Variants in HAO2 observed in about 807,000 individuals in gnomAD.
The protein encoded by HAO2 is 2-Hydroxyacid oxidase 2.
HAO2 carries 42 observed loss-of-function variants against 37.4 expected under a neutral mutation model. That is an observed-to-expected ratio of 1.12 (90% CI 0.88 to 1.45). HAO2 has a LOEUF of 1.45. Ranked by LOEUF, HAO2 falls within the 40% of genes most tolerant of loss-of-function variation. HAO2 has a pLI of 0.00. For synonymous variants in HAO2, 180 were observed against 162.8 expected (o/e 1.11, Z -0.81); for missense variants, 476 against 430.2 (o/e 1.11, Z -0.94).
At position 119,383,035 on chromosome 1, in the gene HAO2, C is replaced by G; in HGVS notation, c.252C>G (p.Val84=). Residue 84 remains valine, a synonymous_variant, in exon 3 of 8, where the codon GTC becomes GTG. Coordinates refer to ENST00000325945, the MANE Select transcript of HAO2 (RefSeq NM_016527.4). ...CIAPTGFHCL[V]WPDGEMSTAR... ...CACCCACAGGGTTCCACTGCCTTGT[C>G]TGGCCTGATGGGGAAATGAGCACAG... 2 of 1,613,104 alleles carry G rather than the reference C, an allele frequency of 1.2e-6. No homozygotes were observed. Among genetic ancestry groups the G allele is most frequent in the Non-Finnish European group, 1.7e-6 (2 of 1,179,486 alleles).
chr1:119,374,855 T>A (rs1251305099), intron 1 of HAO2, among the ~76,000 whole-genome samples: 1 of 152,260 alleles, frequency 6.6e-6, no homozygotes, highest in Non-Finnish European at 1.5e-5. Flanking sequence ...TTGAAAAGCC[T>A]GCCAGCTTCT....
In HAO2 at chr1:119,393,789, C is replaced by T. The variant is rs368143831; in HGVS notation, c.1005C>T (p.Cys335=). The change falls in exon 8 of 8, where the codon TGC becomes TGT. Residue 335 remains cysteine, a synonymous_variant. Coordinates refer to ENST00000325945, the MANE Select transcript of HAO2 (RefSeq NM_016527.4). Reference sequence around the variant, plus strand: ...GTAACCACATTGTTCTTTTAGGCTGCCGGTCGGTCGCTGAGATCAATCGAA... The same window carrying T: ...GTAACCACATTGTTCTTTTAGGCTGTCGGTCGGTCGCTGAGATCAATCGAA... ...EFHTSMALTG[C]RSVAEINRNL... is the part of the protein sequence containing the mutation. 6.8e-6 allele frequency: 11 copies of T among 1,613,112 alleles called. No individual in the cohort carries two copies. The highest frequency in any genetic ancestry group is 9.3e-6 in the Non-Finnish European group (11 of 1,179,226).
intron 5 of HAO2, among the ~76,000 whole-genome samples, chr1:119,389,053 A>T (rs1650611011): frequency 7.0e-6 from 1 of 143,766 alleles, no homozygotes; most frequent in Non-Finnish European, 1.5e-5. Context: ...GAATTACTTC[A>T]CTTAGAATAA....
chr1:119,377,117 T>C (rs587681873), intron 1 of HAO2, among the ~76,000 whole-genome samples: 1 of 152,344 alleles, frequency 6.6e-6, no homozygotes, highest in South Asian at 2.1e-4. Context: ...TAAAAATAAG[T>C]TTCAATTTTA....
chr1:119,390,757 C>A (rs914239971), intron 5 of HAO2, among the ~76,000 whole-genome samples: 4 of 152,128 alleles, frequency 2.6e-5, no homozygotes, highest in African/African-American at 9.7e-5. Context: ...ATCCTTTCCC[C>A]TGGTCCTAGG....
intron 3 of HAO2, among the ~76,000 whole-genome samples, chr1:119,383,725 T>C (rs1405887852): frequency 2.0e-5 from 3 of 151,976 alleles, no homozygotes; most frequent in African/African-American, 7.2e-5. Flanking sequence ...CTCTTGGGAC[T>C]CTTTCGTAAT....
chr1:119,378,139 G>A lies in HAO2; in HGVS notation c.-8-2939G>A, dbSNP rs148124177. On this transcript the variant is annotated intron_variant, in intron 1 of 7. Transcript: ENST00000325945. ...GAGAACCAACTATTTTGTTCTTTAC[G>A]TTAAATTGAAAATAGAGAATGTCTA... 4.1e-3 allele frequency among the ~76,000 whole-genome samples: 617 copies of A among 152,218 alleles called. 3 individuals are homozygous for A. The highest frequency in any genetic ancestry group is 0.017 in the Middle Eastern group (5 of 294).
At chr1:119,384,496 A>G (rs994511249) in intron 3 of HAO2, among the ~76,000 whole-genome samples, 1 of 152,116 alleles carries the variant, frequency 6.6e-6, no homozygotes, top group Non-Finnish European at 1.5e-5. Context: ...AACACAACCA[A>G]CATGATTCTG....
intron 1 of HAO2, among the ~76,000 whole-genome samples, chr1:119,370,668 G>T (rs1648914611): frequency 6.6e-6 from 1 of 152,168 alleles, no homozygotes. Flanking sequence ...TTATAATATA[G>T]TCTGTCTTCT....
At chr1:119,392,853 G>A (rs1000937073) in intron 7 of HAO2, among the ~76,000 whole-genome samples, 166 bp downstream of exon 7, 24 of 152,126 alleles carry the variant, frequency 1.6e-4, no homozygotes, top group Admixed American at 1.4e-3. Context: ...TCTCTGCACA[G>A]TGGAAACCAG....
At chr1:119,389,167 T>TATATATATATATATATAC (rs1553205803) in intron 5 of HAO2, among the ~76,000 whole-genome samples, 2 of 99,964 alleles carry the variant, frequency 2.0e-5, no homozygotes, top group African/African-American at 3.6e-5. Context: ...TATATATATA[T>TATATATATATATATATAC]ACACCACAGT....
chr1:119,392,360 T>C, intron 6 of HAO2, 92 bp downstream of exon 6: 1 of 1,083,062 alleles, frequency 9.2e-7, no homozygotes, highest in Non-Finnish European at 1.4e-6. Flanking sequence ...CTTAGACATT[T>C]TCAAAATGAT....
Position 119,394,021 on chromosome 1 carries a change from C to G in HAO2, c.*181C>G. 7.0e-7 allele frequency: 1 copy of G among 1,420,428 alleles called. No homozygotes were observed. Among genetic ancestry groups the G allele is most frequent in the Non-Finnish European group, 9.2e-7 (1 of 1,082,266 alleles). 88.0% of individuals were successfully genotyped at this position (1,420,428 alleles called of 1,614,324 possible). On this transcript the variant is annotated 3_prime_UTR_variant, in exon 8 of 8. Transcript: ENST00000325945. Reference sequence around the variant, plus strand: ...AGGCCCTCCAAACCCCTGTGTTCCCCAAATGTTCCATGCCCTTCTTTGTAT... The same window carrying G: ...AGGCCCTCCAAACCCCTGTGTTCCCGAAATGTTCCATGCCCTTCTTTGTAT...
At chr1:119,389,490 T>A (rs1650699308) in intron 5 of HAO2, among the ~76,000 whole-genome samples, 1 of 151,994 alleles carries the variant, frequency 6.6e-6, no homozygotes, top group Admixed American at 6.6e-5. Context: ...CTTGTAGCAG[T>A]AAGGAAGTAT....
intron 1 of HAO2, among the ~76,000 whole-genome samples, chr1:119,379,267 CTAGAG>C (rs1649725710): frequency 3.9e-5 from 6 of 152,148 alleles, no homozygotes; most frequent in African/African-American, 1.4e-4. Flanking sequence ...TACCAAAATT[CTAGAG>C]TCCCAGAGGA....
chr1:119,381,681 A>C (rs112582342), intron 2 of HAO2, among the ~76,000 whole-genome samples: 425 of 152,316 alleles, frequency 2.8e-3, no homozygotes, highest in African/African-American at 9.8e-3. Flanking sequence ...GTTGGTCTGA[A>C]AAAGTAGGAG....
At chr1:119,370,343 A>C (rs1473491708) in intron 1 of HAO2, 1 of 152,210 alleles carries the variant, frequency 6.6e-6, no homozygotes, top group African/African-American at 2.4e-5. Flanking sequence ...TAATGAGTAA[A>C]TCTGACAGAG....
chr1:119,392,969 C>T (rs937748029), intron 7 of HAO2, among the ~76,000 whole-genome samples: 1 of 152,132 alleles, frequency 6.6e-6, no homozygotes, highest in South Asian at 2.1e-4. Context: ...ATATCCCATG[C>T]CTGCTGTTTC....
At chr1:119,380,612 G>A in intron 1 of HAO2, 1 of 963,050 alleles carries the variant, frequency 1.0e-6, no homozygotes. Context: ...TAGAAAGCTG[G>A]GAATGCCATG....
Sources: gnomAD v4.1 joint callset for allele counts (sites outside exome capture counted in the v4.1 genomes callset) on GRCh38, gnomAD v4.1.1 for gene constraint, MANE v1.5 for transcripts, NCBI Gene and HGNC (gene_info 2026-07-23, HGNC 2026-07-21) for gene names.